The following RHOD variants were observed in gnomAD, a reference collection of about 807,000 sequenced individuals.
RHOD encodes ras homolog family member D.
A neutral mutation model predicts 16.7 loss-of-function variants in RHOD; 11 were observed. That is an observed-to-expected ratio of 0.66 (90% CI 0.41 to 1.09). RHOD has a LOEUF of 1.09. RHOD is among the 50% of genes least tolerant of loss of function. The pLI is 0.00. For synonymous variants in RHOD, 124 were observed against 126.3 expected (o/e 0.98, Z 0.12); for missense variants, 271 against 291.7 (o/e 0.93, Z 0.52).
intron 1 of RHOD, 41 bp from the exon 2 acceptor site, chr11:67,065,855 C>T (rs775144779): frequency 9.0e-6 from 13 of 1,443,946 alleles, no homozygotes; most frequent in Admixed American, 5.1e-5. Flanking sequence ...AGTGCCTCTC[C>T]GAAGCCTCCT....
At chr11:67,065,612 C>T (rs1419430730) in intron 1 of RHOD, among the ~76,000 whole-genome samples, 2 of 152,030 alleles carry the variant, frequency 1.3e-5, no homozygotes, top group Non-Finnish European at 2.9e-5. Flanking sequence ...CAAGGCCCAC[C>T]TCAACGTCCC....
At chr11:67,070,711 C>T (rs1855019259) in intron 4 of RHOD, 152 bp downstream of exon 4, 1 of 863,276 alleles carries the variant, frequency 1.2e-6, no homozygotes, top group Admixed American at 2.7e-5. Flanking sequence ...ACTTCCAGCA[C>T]TTAGAAATGG....
At chr11:67,066,109 C>T (rs1386014489) in intron 2 of RHOD, 126 bp downstream of exon 2, 2 of 769,500 alleles carry the variant, frequency 2.6e-6, no homozygotes, top group Non-Finnish European at 4.2e-6. Context: ...AGGTGTGGGC[C>T]AGGAGTGGGC....
intron 2 of RHOD, 29 bp downstream of exon 2, chr11:67,066,012 G>GGGCGGGGGGGT: frequency 1.7e-6 from 1 of 581,442 alleles, no homozygotes. Flanking sequence ...GGCAGGGTGG[G>GGGCGGGGGGGT]AGGGGCTTCT....
In RHOD at chr11:67,066,733, C is replaced by T. The variant is rs778651884; in HGVS notation, c.221-5C>T. ...GAAGGCAGTGACCACCTCCACTCTG[C>T]CCAGGGCAAGATGACTATGACCGCC... On this transcript the variant is annotated splice_polypyrimidine_tract_variant and splice_region_variant and intron_variant, in intron 2 of 4. Transcript: ENST00000308831. 1 of 1,595,876 alleles carries T rather than the reference C, an allele frequency of 6.3e-7. No individual in the cohort carries two copies. The highest frequency in any genetic ancestry group is 8.6e-7 in the Non-Finnish European group (1 of 1,163,552).
At chr11:67,067,066 A>T (rs1854967918) in intron 3 of RHOD, among the ~76,000 whole-genome samples, 1 of 151,754 alleles carries the variant, frequency 6.6e-6, no homozygotes, top group Non-Finnish European at 1.5e-5. Flanking sequence ...TGCCCTTCTG[A>T]CTCCCAGTAC....
At chr11:67,066,642 G>T in intron 2 of RHOD, 96 bp from the exon 3 acceptor site, 1 of 860,396 alleles carries the variant, frequency 1.2e-6, no homozygotes, top group Non-Finnish European at 2.0e-6. Context: ...CCTGTCCCCA[G>T]AAGCTCCCCA....
intron 1 of RHOD, among the ~76,000 whole-genome samples, chr11:67,057,388 T>C (rs577422136): frequency 6.6e-6 from 1 of 152,350 alleles, no homozygotes; most frequent in Admixed American, 6.5e-5. Context: ...TTGCCTCTTA[T>C]AGCTGTGTGC....
chr11:67,064,775 C>T (rs1000633499), intron 1 of RHOD, among the ~76,000 whole-genome samples: 3 of 151,998 alleles, frequency 2.0e-5, no homozygotes, highest in Admixed American at 6.6e-5. Flanking sequence ...GGAGTCCCAG[C>T]GGTGTGTGCC....
At chr11:67,066,974 G>A (rs1186204916) in intron 3 of RHOD, 127 bp downstream of exon 3, 2 of 716,412 alleles carry the variant, frequency 2.8e-6, no homozygotes, top group Admixed American at 2.0e-5. Flanking sequence ...AGAGCTTTTG[G>A]TGTATATATG....
chr11:67,058,540 G>A (rs1298176413), intron 1 of RHOD, among the ~76,000 whole-genome samples: 1 of 152,014 alleles, frequency 6.6e-6, no homozygotes, highest in Non-Finnish European at 1.5e-5. Context: ...CGAACTCCTG[G>A]CCTCAAGCGA....
At chr11:67,064,301 G>A (rs1462484673) in intron 1 of RHOD, among the ~76,000 whole-genome samples, 4 of 149,648 alleles carry the variant, frequency 2.7e-5, no homozygotes, top group South Asian at 2.1e-4. Flanking sequence ...AGCTACTCAG[G>A]AGGCTGAGGC....
intron 3 of RHOD, 94 bp from the exon 4 acceptor site, chr11:67,070,331 C>A: frequency 1.5e-6 from 2 of 1,351,546 alleles, no homozygotes; most frequent in Non-Finnish European, 2.1e-6. Flanking sequence ...CATATCAGAG[C>A]TCAGGCTGGG....
At chr11:67,066,188 G>T (rs545815456) in intron 2 of RHOD, among the ~76,000 whole-genome samples, 2 of 152,182 alleles carry the variant, frequency 1.3e-5, no homozygotes, top group East Asian at 1.9e-4. Context: ...AGGGCCGCCC[G>T]CTACGTCCTG....
At chr11:67,058,829 G>A (rs1047464232) in intron 1 of RHOD, among the ~76,000 whole-genome samples, 5 of 152,190 alleles carry the variant, frequency 3.3e-5, no homozygotes, top group African/African-American at 1.2e-4. Flanking sequence ...CGGAGCTGGT[G>A]TCACCTCCTT....
rs1394612136 is a variant in RHOD at position 67,071,646 on chromosome 11, G to T, written c.*44G>T. The T allele has an allele frequency of 1.3e-6, 2 of 1,521,018 alleles. No homozygotes were observed. Among genetic ancestry groups the T allele is most frequent in the Admixed American group, 2.0e-5 (1 of 49,872 alleles). The allele number at this position is 1,521,018 out of a possible 1,614,324, so 94.2% of individuals were successfully genotyped here. A position where few individuals can be genotyped will look rare whatever the true frequency, so the allele number is the denominator to read the frequency against. ...GCGACGCGGGAAGGGGCAGGGCGCT[G>T]ACCTGCTGCTGAGCTGGCTGGGCTG... On this transcript the variant is annotated 3_prime_UTR_variant, in exon 5 of 5. Transcript: ENST00000308831.
In RHOD at chr11:67,070,443, C is replaced by A. The variant is rs1373145561; in HGVS notation, c.349C>A (p.His117Asn). The change falls in exon 4 of 5, where the codon CAT becomes AAT. Residue 117 changes from histidine (H) to asparagine (N), a missense_variant. Transcript: ENST00000308831. ...CCTGCAGTGGTACCCAGAAGTGAAT[C>A]ATTTCTGCAAGAAGGTACCCATCAT... The part of the protein sequence containing the change: ...IFNRWYPEVN[H>N]FCKKVPIIVV... The A allele has an allele frequency of 3.1e-6, 5 of 1,613,864 alleles. No individual in the cohort carries two copies. Among genetic ancestry groups the A allele is most frequent in the Non-Finnish European group, 8.5e-7 (1 of 1,179,992 alleles).
chr11:67,061,751 A>ATATAT (rs1213409425), intron 1 of RHOD, among the ~76,000 whole-genome samples: 12 of 136,166 alleles, frequency 8.8e-5, no homozygotes, highest in African/African-American at 3.1e-4. Context: ...AAAAAAAAAA[A>ATATAT]AAAAATATAT....
intron 3 of RHOD, among the ~76,000 whole-genome samples, chr11:67,068,990 CAG>C: frequency 6.6e-6 from 1 of 151,834 alleles, no homozygotes; most frequent in East Asian, 1.9e-4. Flanking sequence ...TGTTTTGAGA[CAG>C]AGTCTCACTC....
Sources: gnomAD v4.1 joint callset for allele counts (sites outside exome capture counted in the v4.1 genomes callset) on GRCh38, gnomAD v4.1.1 for gene constraint, MANE v1.5 for transcripts, NCBI Gene and HGNC (gene_info 2026-07-23, HGNC 2026-07-21) for gene names.